SYNJ2: variants seen among roughly 807,000 people sequenced by gnomAD.
SYNJ2 encodes synaptojanin 2.
SYNJ2 carries 116 observed loss-of-function variants against 141.3 expected under a neutral mutation model. That is an observed-to-expected ratio of 0.82 (90% CI 0.71 to 0.96). The LOEUF (loss-of-function observed/expected upper bound fraction) is 0.96. Ranked by LOEUF, SYNJ2 falls within the 40% of genes least tolerant of loss-of-function variation. SYNJ2 has a pLI of 0.00. For missense variants in SYNJ2, 1,873 were observed against 1,934.8 expected, an observed-to-expected ratio of 0.97 and a Z score of 0.60; for synonymous variants, 745 against 777.7, an observed-to-expected ratio of 0.96 and a Z score of 0.70.
chr6:158,095,836 ACCTCTGGAGGCGCCG>A lies in SYNJ2; in HGVS notation c.3969_3983del (p.Glu1324_Leu1328del). 1 of 1,613,862 alleles carries A rather than the reference ACCTCTGGAGGCGCCG, an allele frequency of 6.2e-7. No homozygotes were observed. Among genetic ancestry groups the A allele is most frequent in the South Asian group, 1.1e-5 (1 of 91,080 alleles). ...CTGGGGCAGGAGCCTCTGTGCCACC[ACCTCTGGAGGCGCCG>A]CCTCTTGTGCCCAAGGTACCCCCGA... is the stretch of plus-strand genomic sequence containing the variant. On this transcript the variant is annotated inframe_deletion, in exon 27 of 27. Coordinates refer to ENST00000355585, the MANE Select transcript of SYNJ2 (RefSeq NM_003898.4).
rs541158649 is a variant in SYNJ2 at position 158,086,752 on chromosome 6, A to G, written c.3209-103A>G. The G allele has an allele frequency of 1.4e-4, 181 of 1,323,212 alleles. No homozygotes were observed. In the African/African-American group the frequency reaches 2.7e-3, roughly 20 times the overall value. 82.0% of individuals were successfully genotyped at this position (1,323,212 alleles called of 1,614,324 possible). ...TGGACAGAGCCTTCAGCTGTCCTAC[A>G]GCAGGTCCCCCTGCCACAGTCGGCC... On this transcript the variant is annotated intron_variant, in intron 22 of 26. Transcript: ENST00000355585.
chr6:158,083,291 T>C, intron 20 of SYNJ2, 138 bp from the exon 21 acceptor site: 17 of 1,029,750 alleles, frequency 1.7e-5, no homozygotes, highest in Non-Finnish European at 2.1e-5. Flanking sequence ...GCGTGAGGTC[T>C]GGACCCTTGG....
intron 20 of SYNJ2, among the ~76,000 whole-genome samples, chr6:158,082,939 CTT>C (rs11318454): frequency 6.7e-5 from 10 of 149,892 alleles, no homozygotes; most frequent in East Asian, 2.0e-4. Flanking sequence ...GAGAGTTCAA[CTT>C]TTTTTTTTTG....
At chr6:158,052,069 G>T (rs2128353069) in intron 5 of SYNJ2, among the ~76,000 whole-genome samples, 1 of 152,312 alleles carries the variant, frequency 6.6e-6, no homozygotes. Flanking sequence ...CTTTTCTTGA[G>T]TCTGAGATGG....
At position 158,027,140 on chromosome 6, in the gene SYNJ2, C is replaced by G. The variant is rs566657343; in HGVS notation, c.215-1616C>G. The G allele has an allele frequency of 4.1e-6, 4 of 985,402 alleles. No homozygotes were observed. The Admixed American group carries it at 2.5e-4, about 61-fold the overall frequency. 61.0% of individuals were successfully genotyped at this position (985,402 alleles called of 1,614,324 possible). A position where few individuals can be genotyped will look rare whatever the true frequency, so the allele number is the denominator to read the frequency against. ...CAGCCACACGCCACCCTGCCACAAGCAGCGCTCTTCTCCCTATGAAGTGTG... is the reference window on the plus strand; with the variant it reads ...CAGCCACACGCCACCCTGCCACAAGGAGCGCTCTTCTCCCTATGAAGTGTG... On this transcript the variant is annotated intron_variant, in intron 2 of 26. Transcript: ENST00000355585. The surrounding 1 kb of genome is among the most constrained non-coding windows in gnomAD (Gnocchi z 4.6).
intron 1 of SYNJ2, among the ~76,000 whole-genome samples, chr6:157,984,623 C>T (rs1472798582): frequency 6.6e-6 from 1 of 152,172 alleles, no homozygotes; most frequent in Non-Finnish European, 1.5e-5. Flanking sequence ...AGGCTGGTTT[C>T]TAACTCCTGA....
chr6:158,067,444 A>T (rs1255276959), intron 12 of SYNJ2: 1 of 985,262 alleles, frequency 1.0e-6, no homozygotes, highest in Non-Finnish European at 1.2e-6. Flanking sequence ...ATAATTCCAA[A>T]TGTTGACACC....
rs568222551 is a variant in SYNJ2 at position 158,088,034 on chromosome 6, A to ATTTTTTTTT, written c.3344-590_3344-582dup. Among the ~76,000 whole-genome samples the ATTTTTTTTT allele has an allele frequency of 6.3e-4, 20 of 31,900 alleles. 1 individual carries two copies. Among genetic ancestry groups the ATTTTTTTTT allele is most frequent in the East Asian group, 1.7e-3 (1 of 590 alleles). The allele number at this position is 31,900 out of a possible 152,430, so 20.9% of individuals were successfully genotyped here. A position where few individuals can be genotyped will look rare whatever the true frequency, so the allele number is the denominator to read the frequency against. On this transcript the variant is annotated intron_variant, in intron 23 of 26. Transcript: ENST00000355585. The stretch of plus-strand genomic sequence containing the variant: ...TAACAGTTTATTCCCCTGCTTTGGA[A>ATTTTTTTTT]TTTTTTTTTTTTTTTTTTTTTTTTT...
intron 6 of SYNJ2, among the ~76,000 whole-genome samples, 185 bp from the exon 7 acceptor site, chr6:158,059,072 G>A (rs1304168436): frequency 6.6e-6 from 1 of 152,252 alleles, no homozygotes; most frequent in Non-Finnish European, 1.5e-5. Flanking sequence ...AATGGCAGCT[G>A]GGAGGTGCAG....
rs1781656566 is a variant in SYNJ2, at chr6:158,067,814, G to A, written c.1718-833G>A. 5 of 985,202 alleles carry A rather than the reference G, an allele frequency of 5.1e-6. No homozygotes were observed. In the South Asian group the frequency reaches 2.4e-4, roughly 46 times the overall value. 61.0% of individuals were successfully genotyped at this position (985,202 alleles called of 1,614,324 possible). A position where few individuals can be genotyped will look rare whatever the true frequency, so the allele number is the denominator to read the frequency against. ...ACTGGGGCTCTCTGTGTCGGTGGTAGCCTGGGTTGCTGCTTGTGGTGCCTC... is the reference window on the plus strand; with the variant it reads ...ACTGGGGCTCTCTGTGTCGGTGGTAACCTGGGTTGCTGCTTGTGGTGCCTC... On this transcript the variant is annotated intron_variant, in intron 12 of 26. Transcript: ENST00000355585.
chr6:158,081,379 G>C (rs186991955), intron 19 of SYNJ2, 52 bp downstream of exon 19: 3 of 1,613,002 alleles, frequency 1.9e-6, no homozygotes, highest in Non-Finnish European at 2.5e-6. Flanking sequence ...ATGAGGATCC[G>C]TGAGAGCTGC....
At chr6:158,035,228 G>A (rs1779576694) in intron 4 of SYNJ2, among the ~76,000 whole-genome samples, 1 of 152,186 alleles carries the variant, frequency 6.6e-6, no homozygotes, top group Non-Finnish European at 1.5e-5. Flanking sequence ...AATGTCAATG[G>A]TAGTTTAATA....
Position 158,086,882 on chromosome 6 carries a change from G to A in SYNJ2, c.3236G>A (p.Arg1079Gln), listed in dbSNP as rs61747264. 2,334 of 1,611,390 alleles carry A rather than the reference G, an allele frequency of 1.4e-3. 31 individuals carry two copies. The African/African-American group carries it at 0.027, about 18-fold the overall frequency. The change falls in exon 23 of 27, where the codon CGG (arginine) becomes CAG (glutamine). Residue 1079 changes from arginine to glutamine, a missense_variant. Arg to Gln is a conservative substitution (Grantham distance 43). Coordinates refer to ENST00000355585, the MANE Select transcript of SYNJ2 (RefSeq NM_003898.4). ...GACGCGGACCTGGTGGAGCTCAAGC[G>A]GGAGCTGGAAGCCGTCGGGGAGTTC... Reference protein sequence around the residue: ...KDDADLVELKRELEAVGEFRH... With the variant: ...KDDADLVELKQELEAVGEFRH...
At chr6:158,053,377 A>G (rs1228112081) in intron 5 of SYNJ2, among the ~76,000 whole-genome samples, 1 of 152,220 alleles carries the variant, frequency 6.6e-6, no homozygotes, top group Non-Finnish European at 1.5e-5. Context: ...AAGATTTATC[A>G]TCAACAGATA....
intron 1 of SYNJ2, among the ~76,000 whole-genome samples, chr6:157,986,924 CT>C (rs572799409): frequency 0.013 from 1,815 of 141,774 alleles, 29 homozygotes; most frequent in African/African-American, 0.037. Flanking sequence ...GTTGGGTTGG[CT>C]TTTTTTTTTT....
At chr6:158,041,547 C>T (rs1779948212) in intron 4 of SYNJ2, among the ~76,000 whole-genome samples, 1 of 152,140 alleles carries the variant, frequency 6.6e-6, no homozygotes, top group Non-Finnish European at 1.5e-5. Flanking sequence ...CAGGGAGGGG[C>T]ATACAGAGCA....
At position 158,087,296 on chromosome 6, in the gene SYNJ2, G is replaced by A. The variant is rs375482756; in HGVS notation, c.3343+307G>A. On this transcript the variant is annotated intron_variant, in intron 23 of 26. Transcript: ENST00000355585. ...TGCAGAATGGGGGCCGCAGCCATGG[G>A]AGGGACGTGAGCTTCGCAGTCAGAA... is the stretch of plus-strand genomic sequence containing the variant. Among the ~76,000 whole-genome samples, 101 of 152,300 alleles carry A rather than the reference G, an allele frequency of 6.6e-4. No individual in the cohort carries two copies. In the South Asian group the frequency reaches 0.02, roughly 31 times the overall value.
intron 22 of SYNJ2, among the ~76,000 whole-genome samples, chr6:158,086,095 G>A (rs1260980824): frequency 2.0e-5 from 3 of 152,148 alleles, no homozygotes; most frequent in African/African-American, 7.2e-5. Flanking sequence ...ATGCTGTGGG[G>A]TGTTCAGCCA....
intron 2 of SYNJ2, among the ~76,000 whole-genome samples, chr6:158,021,558 G>A (rs1297720097): frequency 1.3e-5 from 2 of 152,146 alleles, no homozygotes; most frequent in African/African-American, 4.8e-5. Context: ...GGAGGGAGGA[G>A]GGTGCTGAGT....
Sources: gnomAD v4.1 joint callset for allele counts (sites outside exome capture counted in the v4.1 genomes callset) on GRCh38, gnomAD v4.1.1 for gene constraint, Gnocchi (gnomAD v3.1) non-coding constraint, MANE v1.5 for transcripts, NCBI Gene and HGNC (gene_info 2026-07-23, HGNC 2026-07-21) for gene names.